Variants in NF1 observed in about 807,000 individuals in gnomAD.
The protein encoded by NF1 is neurofibromin 1.
In NF1, 122 loss-of-function variants were observed where a neutral mutation model predicts 325.7. The observed-to-expected ratio is 0.37, with a 90% CI of 0.32 to 0.44. The LOEUF (loss-of-function observed/expected upper bound fraction) is 0.44. Ranked by LOEUF, NF1 falls within the 20% of genes least tolerant of loss-of-function variation. The pLI is 1.00. For missense variants in NF1, 2,140 were observed against 3,415.4 expected (o/e 0.63, Z 9.31); for synonymous variants, 1,091 against 1,186.0 (o/e 0.92, Z 1.65).
chr17:31,371,853 T>C (rs2070647448), intron 57 of NF1, among the ~76,000 whole-genome samples: 1 of 152,170 alleles, frequency 6.6e-6, no homozygotes, highest in African/African-American at 2.4e-5. Flanking sequence ...GCAGTTCAGA[T>C]TTTCAAGACA....
intron 34 of NF1, among the ~76,000 whole-genome samples, chr17:31,261,158 G>A (rs967815285): frequency 2.6e-5 from 4 of 151,488 alleles, no homozygotes; most frequent in East Asian, 1.9e-4. Flanking sequence ...CAGGAAAATC[G>A]CTTGAACCCA....
At chr17:31,343,477 C>T (rs556538192) in intron 48 of NF1, among the ~76,000 whole-genome samples, 2 of 152,100 alleles carry the variant, frequency 1.3e-5, no homozygotes, top group Admixed American at 6.5e-5. Flanking sequence ...CCTGGGAAGT[C>T]GAGGCTACAG....
chr17:31,348,966 C>T (rs1401292136), intron 48 of NF1, among the ~76,000 whole-genome samples, 154 bp from the exon 49 acceptor site: 3 of 152,264 alleles, frequency 2.0e-5, no homozygotes, highest in South Asian at 2.1e-4. Context: ...TTCACATATG[C>T]ATGTTTTACC....
At chr17:31,315,083 G>T (rs912923234) in intron 36 of NF1, among the ~76,000 whole-genome samples, 2 of 152,060 alleles carry the variant, frequency 1.3e-5, no homozygotes, top group African/African-American at 4.8e-5. Flanking sequence ...ATGCCTGTTT[G>T]CCATTTGTAT....
At chr17:31,370,342 A>G (rs1198239021) in intron 57 of NF1, among the ~76,000 whole-genome samples, 1 of 152,224 alleles carries the variant, frequency 6.6e-6, no homozygotes, top group Non-Finnish European at 1.5e-5. Flanking sequence ...GAAAAATAAA[A>G]GGAAAAAGTT....
intron 4 of NF1, among the ~76,000 whole-genome samples, chr17:31,164,605 C>A (rs181221301): frequency 1.2e-4 from 19 of 152,306 alleles, no homozygotes; most frequent in African/African-American, 3.4e-4. Flanking sequence ...TTTGATTATT[C>A]AGATTTACTG....
At chr17:31,183,061 A>G (rs2066167160) in intron 8 of NF1, 2 of 422,702 alleles carry the variant, frequency 4.7e-6, no homozygotes, top group African/African-American at 4.1e-5. Flanking sequence ...TACTGAAATT[A>G]TCTAGTAACT....
intron 29 of NF1, among the ~76,000 whole-genome samples, chr17:31,247,669 A>G (rs768290762): frequency 4.6e-5 from 7 of 152,202 alleles, no homozygotes; most frequent in Non-Finnish European, 7.3e-5. Flanking sequence ...TTTCATTTTT[A>G]GGTAGCTGCC....
intron 39 of NF1, chr17:31,331,904 T>TAAAAAAAAAAAAAAAA (rs755592420): frequency 2.3e-5 from 1 of 42,866 alleles, no homozygotes; most frequent in African/African-American, 1.3e-4. Context: ...CCTTCTCTAT[T>TAAAAAAAAAAAAAAAA]AAAAAAAAAA....
chr17:31,133,303 GCAGCATATGT>G (rs1209050877), intron 1 of NF1: 3 of 152,154 alleles, frequency 2.0e-5, no homozygotes, highest in Non-Finnish European at 4.4e-5. Flanking sequence ...AATCCACATT[GCAGCATATGT>G]CAGAATTTCC....
At chr17:31,206,394 A>C in intron 12 of NF1, 23 bp downstream of exon 12, 1 of 1,549,042 alleles carries the variant, frequency 6.5e-7, no homozygotes, top group Non-Finnish European at 8.9e-7. Flanking sequence ...ACGAATTTTG[A>C]ATCTCACCTC....
chr17:31,288,211 T>C (rs1358162932), intron 36 of NF1, among the ~76,000 whole-genome samples: 1 of 152,068 alleles, frequency 6.6e-6, no homozygotes, highest in South Asian at 2.1e-4. Context: ...GATAAGTGGG[T>C]ATGTTGAGCA....
intron 36 of NF1, among the ~76,000 whole-genome samples, chr17:31,278,493 C>CTTTTTTT (rs200450821): frequency 6.5e-5 from 1 of 15,338 alleles, no homozygotes; most frequent in African/African-American, 1.8e-4. Context: ...GTAATTGAAG[C>CTTTTTTT]TTTTTTTTTT....
At chr17:31,286,644 T>C (rs541119774) in intron 36 of NF1, among the ~76,000 whole-genome samples, 1 of 152,360 alleles carries the variant, frequency 6.6e-6, no homozygotes, top group African/African-American at 2.4e-5. Flanking sequence ...TATTTGTCAT[T>C]GGTATAAGGA....
At chr17:31,317,383 A>ACACG (rs1262896416) in intron 36 of NF1, among the ~76,000 whole-genome samples, 1 of 151,450 alleles carries the variant, frequency 6.6e-6, no homozygotes, top group Non-Finnish European at 1.5e-5. Flanking sequence ...ACACACACAC[A>ACACG]CACACACACA....
intron 48 of NF1, among the ~76,000 whole-genome samples, chr17:31,346,624 CT>C (rs1231682017): frequency 6.6e-6 from 1 of 151,550 alleles, no homozygotes; most frequent in Non-Finnish European, 1.5e-5. Flanking sequence ...CTAGCCCAGG[CT>C]TTGTCCCAGG....
chr17:31,295,787 A>G, intron 36 of NF1: 1 of 1,614,200 alleles, frequency 6.2e-7, no homozygotes, highest in African/African-American at 1.3e-5. Flanking sequence ...ACCTGGAAGA[A>G]TTTGTGTCAA....
intron 36 of NF1, among the ~76,000 whole-genome samples, chr17:31,315,340 T>G (rs1369771632): frequency 6.6e-6 from 1 of 152,152 alleles, no homozygotes; most frequent in East Asian, 1.9e-4. Context: ...AAGACCTATT[T>G]GATAGCACAA....
Position 31,224,917 on chromosome 17 carries a change from A to C in NF1, c.1846-178A>C, listed in dbSNP as rs17880727. On this transcript the variant is annotated intron_variant, in intron 16 of 57. Transcript: ENST00000358273. ...GGGAAACTGAAAGAAATTTTAAAGA[A>C]TTAAGTAAACCTTGTTTGTTCTAAT... Among the ~76,000 whole-genome samples the C allele has an allele frequency of 7.8e-3, 1,194 of 152,296 alleles. 20 individuals carry two copies. The highest frequency in any genetic ancestry group is 0.028 in the African/African-American group (1,144 of 41,554).
Sources: gnomAD v4.1 joint callset for allele counts (sites outside exome capture counted in the v4.1 genomes callset) on GRCh38, gnomAD v4.1.1 for gene constraint, MANE v1.5 for transcripts, NCBI Gene and HGNC (gene_info 2026-07-23, HGNC 2026-07-21) for gene names.